NBAS: variants seen among roughly 807,000 people sequenced by gnomAD.
NBAS encodes NAG/BC035112 fusion.
NBAS carries 219 observed loss-of-function variants against 302.5 expected under a neutral mutation model. The observed-to-expected ratio is 0.72, with a 90% CI of 0.65 to 0.81. The LOEUF (loss-of-function observed/expected upper bound fraction) is 0.81. NBAS is among the 30% of genes least tolerant of loss of function. The pLI, the probability that NBAS is intolerant of heterozygous loss-of-function variation, is 0.00. For missense variants in NBAS, 2,932 were observed against 2,841.6 expected (o/e 1.03, Z -0.72); for synonymous variants, 1,118 against 1,021.6 (o/e 1.09, Z -1.80).
intron 39 of NBAS, among the ~76,000 whole-genome samples, chr2:15,308,717 A>G (rs1280179941): frequency 3.9e-5 from 6 of 152,186 alleles, no homozygotes; most frequent in African/African-American, 1.4e-4. Flanking sequence ...GTGGTGAGAG[A>G]GGGCATCCCT....
At chr2:14,836,190 A>T in the NBAS span, among the ~76,000 whole-genome samples, 9,038 of 151,898 alleles carry the variant, frequency 0.06, 911 homozygotes, top group African/African-American at 0.21. Flanking sequence ...ATTTTCTGTA[A>T]GAGGTTTTTG....
the NBAS span, among the ~76,000 whole-genome samples, chr2:14,882,989 C>T: frequency 2.0e-5 from 3 of 152,160 alleles, no homozygotes; most frequent in African/African-American, 7.2e-5. Flanking sequence ...TATTTGCCCA[C>T]ATAAAACCTA....
intron 27 of NBAS, 29 bp downstream of exon 27, chr2:15,396,384 A>C: frequency 2.0e-6 from 3 of 1,510,904 alleles, no homozygotes; most frequent in Non-Finnish European, 2.7e-6. Flanking sequence ...ATAAGCATGG[A>C]GAAAAAAAAA....
rs557264499 is a variant in NBAS, at chr2:15,458,493, A to C, written c.2339+2708T>G. Among the ~76,000 whole-genome samples, 45 of 152,234 alleles carry C rather than the reference A, an allele frequency of 3.0e-4. 1 individual carries two copies. The South Asian group carries it at 9.1e-3, about 31-fold the overall frequency. On this transcript the variant is annotated intron_variant, in intron 21 of 51. Coordinates refer to ENST00000281513, the MANE Select transcript of NBAS (RefSeq NM_015909.4). ...TCACTCAGTTAGTTCCAGTTGTTTAAGAGTCTGGGACCTCCCCCTTTTCTC... is the reference window on the plus strand; with the variant it reads ...TCACTCAGTTAGTTCCAGTTGTTTACGAGTCTGGGACCTCCCCCTTTTCTC...
intron 10 of NBAS, 86 bp downstream of exon 10, chr2:15,511,126 A>AT: frequency 6.7e-7 from 1 of 1,490,582 alleles, no homozygotes; most frequent in Non-Finnish European, 9.3e-7. Flanking sequence ...TTCTTCCTCT[A>AT]TATCTTACAA....
intron 35 of NBAS, among the ~76,000 whole-genome samples, chr2:15,346,998 T>C (rs972016727): frequency 1.7e-4 from 26 of 152,056 alleles, no homozygotes; most frequent in Non-Finnish European, 3.8e-4. Context: ...CCAGGGCCTG[T>C]TGAGGGGTTG....
intron 40 of NBAS, among the ~76,000 whole-genome samples, chr2:15,299,377 C>T (rs369280456): frequency 6.6e-6 from 1 of 152,132 alleles, no homozygotes; most frequent in South Asian, 2.1e-4. Context: ...TTCATGACAA[C>T]AAAATGCTCA....
At chr2:15,106,543 T>C in the NBAS span, among the ~76,000 whole-genome samples, 4 of 151,882 alleles carry the variant, frequency 2.6e-5, no homozygotes, top group Admixed American at 2.0e-4. Context: ...TATTCATCCT[T>C]CAAGGATGAA....
the NBAS span, among the ~76,000 whole-genome samples, chr2:15,034,294 A>AAG: frequency 2.7e-5 from 3 of 112,942 alleles, no homozygotes; most frequent in African/African-American, 1.1e-4. Flanking sequence ...GAAAGAAAGA[A>AAG]AGAAAGAAAG....
the NBAS span, among the ~76,000 whole-genome samples, chr2:14,861,524 C>G: frequency 6.6e-6 from 1 of 152,150 alleles, no homozygotes; most frequent in Non-Finnish European, 1.5e-5. Context: ...CCTTTTAGTT[C>G]TTGAAAAACA....
the NBAS span, among the ~76,000 whole-genome samples, chr2:14,983,480 G>A: frequency 6.6e-6 from 1 of 152,184 alleles, no homozygotes; most frequent in Non-Finnish European, 1.5e-5. Context: ...AGGGCGGCAA[G>A]GAGAATCAAA....
chr2:14,863,281 T>C, the NBAS span, among the ~76,000 whole-genome samples: 2 of 152,136 alleles, frequency 1.3e-5, no homozygotes, highest in Admixed American at 6.5e-5. Context: ...ACAAGACTGT[T>C]TATTCACTTG....
rs182603037 is a variant in NBAS, at chr2:15,339,477, T to C, written c.4180-8712A>G. On this transcript the variant is annotated intron_variant, in intron 35 of 51. Coordinates refer to ENST00000281513, the MANE Select transcript of NBAS (RefSeq NM_015909.4). ...CCCACTCATCACATCCATATCTTAC[T>C]TTCCTCATTTACTCATTCATTCTTC... Among the ~76,000 whole-genome samples the C allele has an allele frequency of 3.9e-5, 6 of 152,314 alleles. No individual in the cohort carries two copies. The East Asian group carries it at 1.2e-3, about 29-fold the overall frequency.
At chr2:15,388,157 C>T (rs7577436) in intron 28 of NBAS, among the ~76,000 whole-genome samples, 83,493 of 151,924 alleles carry the variant, frequency 0.55, 25,012 homozygotes, top group Non-Finnish European at 0.68. Context: ...TGAGGTATTC[C>T]TCCATTTCTT....
intron 28 of NBAS, among the ~76,000 whole-genome samples, chr2:15,391,630 C>G (rs10929366): frequency 0.014 from 2,061 of 151,826 alleles, 34 homozygotes; most frequent in East Asian, 0.06. Flanking sequence ...AGAAGAAATA[C>G]GCAAAAATTT....
At chr2:15,272,542 T>G (rs971313090) in intron 44 of NBAS, among the ~76,000 whole-genome samples, 4 of 152,204 alleles carry the variant, frequency 2.6e-5, no homozygotes, top group African/African-American at 9.7e-5. Flanking sequence ...TTTATACTTC[T>G]CCTTTCTGAA....
chr2:14,981,229 T>C, the NBAS span, among the ~76,000 whole-genome samples: 1 of 152,176 alleles, frequency 6.6e-6, no homozygotes, highest in African/African-American at 2.4e-5. Flanking sequence ...GCCCAGGGAT[T>C]AGTGTATGAT....
At chr2:15,508,173 T>C (rs1356539251) in intron 10 of NBAS, among the ~76,000 whole-genome samples, 2 of 152,214 alleles carry the variant, frequency 1.3e-5, no homozygotes, top group Admixed American at 1.3e-4. Flanking sequence ...AAGTTAATCA[T>C]ACAGCAGAGC....
chr2:15,486,851 C>T (rs1680648696), intron 12 of NBAS, among the ~76,000 whole-genome samples: 1 of 150,802 alleles, frequency 6.6e-6, no homozygotes, highest in Non-Finnish European at 1.5e-5. Context: ...AAAAAAAATG[C>T]TAACCAGTCA....
Sources: gnomAD v4.1 joint callset for allele counts (sites outside exome capture counted in the v4.1 genomes callset) on GRCh38, gnomAD v4.1.1 for gene constraint, MANE v1.5 for transcripts, NCBI Gene and HGNC (gene_info 2026-07-23, HGNC 2026-07-21) for gene names.